TCF20: variants seen among roughly 807,000 people sequenced by gnomAD.
The protein encoded by TCF20 is SPRE-binding protein.
A neutral mutation model predicts 148.6 loss-of-function variants in TCF20; 3 were observed. The ratio of observed to expected loss-of-function variants is 0.02; its 90% confidence interval spans 0.01 to 0.05. The LOEUF is 0.05. TCF20 is among the 10% of genes least tolerant of loss of function. TCF20 has a pLI of 1.00. For missense variants in TCF20, 2,350 were observed against 2,429.3 expected, an observed-to-expected ratio of 0.97 and a Z score of 0.69; for synonymous variants, 1,049 against 909.5, an observed-to-expected ratio of 1.15 and a Z score of -2.76.
chr22:42,230,800 T>G (rs1048552696), intron 1 of TCF20, among the ~76,000 whole-genome samples: 1 of 151,672 alleles, frequency 6.6e-6, no homozygotes, highest in Non-Finnish European at 1.5e-5. Flanking sequence ...TTTAGGCTAA[T>G]GCATGTGTTT....
intron 1 of TCF20, among the ~76,000 whole-genome samples, chr22:42,265,864 A>G (rs558988886): frequency 6.6e-6 from 1 of 152,346 alleles, no homozygotes; most frequent in East Asian, 1.9e-4. Flanking sequence ...AGCTGATACC[A>G]AAGTTTTCAG....
At chr22:42,183,932 C>G (rs1936915850) in intron 2 of TCF20, among the ~76,000 whole-genome samples, 1 of 152,098 alleles carries the variant, frequency 6.6e-6, no homozygotes, top group Non-Finnish European at 1.5e-5. Flanking sequence ...CCACGCCCAG[C>G]TAATCTTTGT....
intron 1 of TCF20, among the ~76,000 whole-genome samples, chr22:42,337,563 A>G (rs1432206432): frequency 1.3e-5 from 2 of 152,170 alleles, no homozygotes; most frequent in African/African-American, 4.8e-5. Context: ...GCTCTTATTC[A>G]TCCTGCAAGA....
chr22:42,341,700 AC>A (rs1928171813), intron 1 of TCF20, among the ~76,000 whole-genome samples: 1 of 144,136 alleles, frequency 6.9e-6, no homozygotes, highest in Non-Finnish European at 1.5e-5. Context: ...AGCTGGCCAC[AC>A]AGGGGCTGGC....
rs532680728 is a variant in TCF20 at position 42,338,456 on chromosome 22, C to T, written c.-37+5023G>A. ...CAGGGGGCCTCAGCAGAGCCCCGTC[C>T]CTCCCGGCAGCCCGGCCTGCAGGGG... On this transcript the variant is annotated intron_variant, in intron 1 of 1. Coordinates refer to the TCF20 transcript ENST00000515426. This position sits in a 1 kb window ranked among gnomAD's most constrained non-coding sequence, Gnocchi z 4.0. Among the ~76,000 whole-genome samples, 64 of 152,368 alleles carry T rather than the reference C, an allele frequency of 4.2e-4. No homozygotes were observed. The East Asian group carries it at 6.6e-3, about 16-fold the overall frequency.
At chr22:42,229,392 C>T (rs1923196272) in intron 1 of TCF20, among the ~76,000 whole-genome samples, 1 of 152,174 alleles carries the variant, frequency 6.6e-6, no homozygotes, top group Non-Finnish European at 1.5e-5. Context: ...GATATCCAGT[C>T]TGTAACTTCC....
intron 5 of TCF20, among the ~76,000 whole-genome samples, chr22:42,164,827 A>C (rs1935683387): frequency 1.3e-5 from 2 of 152,170 alleles, no homozygotes; most frequent in South Asian, 2.1e-4. Context: ...GAAGATGGGG[A>C]GCCAAAGTGT....
chr22:42,174,900 C>T (rs532779018), intron 3 of TCF20, among the ~76,000 whole-genome samples: 227 of 152,004 alleles, frequency 1.5e-3, no homozygotes, highest in African/African-American at 3.0e-3. Context: ...CCGGGCGTGG[C>T]GGCGGGCGCC....
chr22:42,294,097 A>G (rs1927182329), intron 1 of TCF20, among the ~76,000 whole-genome samples: 1 of 152,216 alleles, frequency 6.6e-6, no homozygotes, highest in African/African-American at 2.4e-5. Context: ...GGAGCCAGGA[A>G]GAGCCTGGGA....
In TCF20 at chr22:42,242,227, A is replaced by AAAAAAAAAAAAAAAAAT. The variant is rs1491280192; in HGVS notation, c.-36-26887_-36-26886insATTTTTTTTTTTTTTTT. On this transcript the variant is annotated intron_variant, in intron 1 of 5. Coordinates refer to ENST00000677622, the MANE Select transcript of TCF20 (RefSeq NM_001378418.1). The stretch of plus-strand genomic sequence containing the variant: ...CAAAAAAAAAAAAAAAAAAAAAAAA[A>AAAAAAAAAAAAAAAAAT]CAGAAAAGAAAGGGTGACTACAAGG... Among the ~76,000 whole-genome samples, 264 of 122,724 alleles carry AAAAAAAAAAAAAAAAAT rather than the reference A, an allele frequency of 2.2e-3. 24 individuals are homozygous for AAAAAAAAAAAAAAAAAT. The highest frequency in any genetic ancestry group is 4.3e-3 in the Middle Eastern group (1 of 232). The allele number at this position is 122,724 out of a possible 152,430, so 80.5% of individuals were successfully genotyped here. A position where few individuals can be genotyped will look rare whatever the true frequency, so the allele number is the denominator to read the frequency against.
At chr22:42,196,518 C>T (rs1937606131) in intron 2 of TCF20, among the ~76,000 whole-genome samples, 1 of 152,162 alleles carries the variant, frequency 6.6e-6, no homozygotes, top group Admixed American at 6.6e-5. Context: ...TATCACTTAT[C>T]CTAATGAATT....
At chr22:42,161,853 C>T (rs181787720) in intron 5 of TCF20, among the ~76,000 whole-genome samples, 121 of 152,130 alleles carry the variant, frequency 8.0e-4, no homozygotes, top group African/African-American at 2.6e-3. Context: ...GACAAGACAT[C>T]GCTCTGTCGC....
chr22:42,338,259 C>A lies in TCF20; in HGVS notation c.-37+5220G>T, dbSNP rs888827540. On this transcript the variant is annotated intron_variant, in intron 1 of 1. Transcript: ENST00000515426. This position sits in a 1 kb window ranked among gnomAD's most constrained non-coding sequence, Gnocchi z 4.0. ...CTCCGTGACAGCCCCAGAAGAGGGC[C>A]GGAGAAACTTTTCGTCTGAATGGAG... Among the ~76,000 whole-genome samples the A allele has an allele frequency of 6.6e-6, 1 of 152,234 alleles. No individual in the cohort carries two copies. The highest frequency in any genetic ancestry group is 1.9e-4 in the East Asian group (1 of 5,202).
At chr22:42,200,541 T>C (rs1937931271) in intron 2 of TCF20, among the ~76,000 whole-genome samples, 1 of 149,712 alleles carries the variant, frequency 6.7e-6, no homozygotes, top group Non-Finnish European at 1.5e-5. Context: ...CTTGGGAGGC[T>C]GAGGCCTGGG....
rs1446893926 is a variant in TCF20 at position 42,213,303 on chromosome 22, T to C, written c.2003A>G (p.Asn668Ser). The change falls in exon 2 of 6, where the codon AAT becomes AGT. Residue 668 changes from asparagine to serine, a missense_variant. By Grantham distance (46) the Asn-to-Ser change is conservative. Around this residue, in one of 7 missense-constraint regions of TCF20, gnomAD observed 1,641 missense variants for 1,662.6 expected, o/e 0.99. Coordinates refer to ENST00000677622, the MANE Select transcript of TCF20 (RefSeq NM_001378418.1). ...ATTATGGTTGGAGTTGTTATCGCCA[T>C]TCTTGTTTCCTTTGCTCCCTCCTCC... ...PGGGGSKGNK[N>S]GDNNSNHNGE... 2 of 1,614,066 alleles carry C rather than the reference T, an allele frequency of 1.2e-6. No homozygotes were observed. Among genetic ancestry groups the C allele is most frequent in the Non-Finnish European group, 1.7e-6 (2 of 1,180,040 alleles).
chr22:42,171,014 C>T (rs1304685695), intron 3 of TCF20, among the ~76,000 whole-genome samples: 3 of 152,124 alleles, frequency 2.0e-5, no homozygotes, highest in African/African-American at 7.2e-5. Flanking sequence ...AAGGTAAAAT[C>T]CCATGAGGAT....
intron 1 of TCF20, among the ~76,000 whole-genome samples, chr22:42,309,350 G>T (rs1176890033): frequency 6.6e-6 from 1 of 151,974 alleles, no homozygotes; most frequent in African/African-American, 2.4e-5. Context: ...CAGGACGGGG[G>T]ACTACAGAGC....
At chr22:42,236,434 T>C (rs1325244735) in intron 1 of TCF20, among the ~76,000 whole-genome samples, 1 of 152,118 alleles carries the variant, frequency 6.6e-6, no homozygotes, top group African/African-American at 2.4e-5. Flanking sequence ...CAATGAAGAA[T>C]GCCGACGGAG....
intron 1 of TCF20, among the ~76,000 whole-genome samples, chr22:42,239,022 G>A (rs535364386): frequency 2.6e-5 from 4 of 152,184 alleles, no homozygotes; most frequent in Non-Finnish European, 4.4e-5. Context: ...GGAGGCTGAC[G>A]CAGGAGAATG....
Sources: allele counts gnomAD v4.1 joint callset (sites outside exome capture counted in the v4.1 genomes callset), GRCh38; gene constraint gnomAD v4.1.1; regional missense constraint gnomAD v4.1.1; non-coding constraint Gnocchi (gnomAD v3.1); transcripts MANE v1.5; gene names NCBI Gene and HGNC (gene_info 2026-07-23, HGNC 2026-07-21).